CA10: variants seen among roughly 807,000 people sequenced by gnomAD.
The protein encoded by CA10 is carbonic anhydrase 10 (inactive).
In CA10, 14 loss-of-function variants were observed where a neutral mutation model predicts 44.2. The observed-to-expected ratio is 0.32, with a 90% confidence interval of 0.21 to 0.50. The LOEUF is 0.50. CA10 is among the 20% of genes least tolerant of loss of function. The probability of loss-of-function intolerance (pLI) is 0.99; values close to 1 mark genes in which losing one functional copy is unlikely to be tolerated. For synonymous variants in CA10, 159 were observed against 141.6 expected, an observed-to-expected ratio of 1.12 and a Z score of -0.87; for missense variants, 350 against 409.7, an observed-to-expected ratio of 0.85 and a Z score of 1.26.
intron 3 of CA10, among the ~76,000 whole-genome samples, chr17:51,772,045 C>T (rs1017452304): frequency 1.3e-5 from 2 of 152,156 alleles, no homozygotes; most frequent in Admixed American, 6.5e-5. Context: ...CTCTGCATTG[C>T]TGCTGGAATC....
At chr17:51,806,965 G>A (rs991712026) in intron 3 of CA10, among the ~76,000 whole-genome samples, 1 of 152,182 alleles carries the variant, frequency 6.6e-6, no homozygotes, top group Non-Finnish European at 1.5e-5. Flanking sequence ...TAAGGAGCAG[G>A]GGATCATGTA....
At chr17:51,690,078 G>A (rs1389229206) in intron 4 of CA10, among the ~76,000 whole-genome samples, 1 of 151,968 alleles carries the variant, frequency 6.6e-6, no homozygotes, top group African/African-American at 2.4e-5. Flanking sequence ...CTCCCAAGTA[G>A]CTGGGATTAC....
intron 4 of CA10, among the ~76,000 whole-genome samples, chr17:51,716,669 G>C (rs1228561083): frequency 1.3e-5 from 2 of 152,122 alleles, no homozygotes; most frequent in Non-Finnish European, 2.9e-5. Context: ...TTAAGCTGCA[G>C]TTCCCTCCAT....
chr17:52,119,654 C>A (rs144689777), intron 1 of CA10, among the ~76,000 whole-genome samples: 11 of 152,294 alleles, frequency 7.2e-5, no homozygotes, highest in Non-Finnish European at 1.3e-4. Flanking sequence ...CAAAGCCAAT[C>A]TGAAAGGCCT....
In CA10 at chr17:51,802,951, G is replaced by A. The variant is rs192064573; in HGVS notation, c.280-55133C>T. ...CAGTCATCTCGTTGACATTAAGTGC[G>A]GAGTAGCAGACAGCAAGACTCATAT... On this transcript the variant is annotated intron_variant, in intron 3 of 8. Transcript: ENST00000451037. Among the ~76,000 whole-genome samples the A allele has an allele frequency of 1.9e-4, 29 of 152,228 alleles. No homozygotes were observed. In the East Asian group the frequency reaches 4.8e-3, roughly 25 times the overall value.
chr17:51,760,883 C>T (rs1422363059), intron 3 of CA10, among the ~76,000 whole-genome samples: 2 of 152,300 alleles, frequency 1.3e-5, no homozygotes, highest in African/African-American at 2.4e-5. Flanking sequence ...ATTATTTCAA[C>T]ATGTAATCGA....
At chr17:51,880,125 C>T (rs1385240851) in intron 3 of CA10, among the ~76,000 whole-genome samples, 2 of 152,086 alleles carry the variant, frequency 1.3e-5, no homozygotes, top group African/African-American at 4.8e-5. Context: ...CCTGCTGAAA[C>T]TAATAAGCCA....
chr17:52,069,321 A>T (rs1313055918), intron 2 of CA10, among the ~76,000 whole-genome samples: 1 of 152,184 alleles, frequency 6.6e-6, no homozygotes, highest in East Asian at 1.9e-4. Flanking sequence ...TATAAATCTC[A>T]GCCAAGAGTA....
chr17:52,013,843 G>GTA (rs1985884667), intron 2 of CA10, among the ~76,000 whole-genome samples: 1 of 151,940 alleles, frequency 6.6e-6, no homozygotes, highest in Non-Finnish European at 1.5e-5. Context: ...AAATAACGTA[G>GTA]TATAGTTGAC....
At chr17:51,805,821 T>G (rs574322983) in intron 3 of CA10, among the ~76,000 whole-genome samples, 2 of 152,318 alleles carry the variant, frequency 1.3e-5, no homozygotes, top group Non-Finnish European at 2.9e-5. Context: ...ATTTGCCTTT[T>G]CTAGACAATT....
intron 2 of CA10, among the ~76,000 whole-genome samples, chr17:52,047,821 A>C (rs1425962695): frequency 1.3e-5 from 2 of 151,968 alleles, no homozygotes; most frequent in Non-Finnish European, 2.9e-5. Flanking sequence ...CCTGATTAGA[A>C]AACTCAGAAT....
intron 1 of CA10, among the ~76,000 whole-genome samples, chr17:52,085,999 T>C (rs1988107286): frequency 6.6e-6 from 1 of 152,220 alleles, no homozygotes; most frequent in Non-Finnish European, 1.5e-5. Context: ...TACCATATTG[T>C]ATACAATTTA....
At chr17:51,736,423 C>T (rs917644284) in intron 4 of CA10, among the ~76,000 whole-genome samples, 1 of 152,168 alleles carries the variant, frequency 6.6e-6, no homozygotes, top group African/African-American at 2.4e-5. Context: ...ATTAGTCTTT[C>T]CCAAAGCAGA....
At chr17:52,158,833 C>T (rs16951065), upstream of CA10, 29,693 of 152,590 alleles carry the variant, frequency 0.19, 3,093 homozygotes, top group South Asian at 0.3. Context: ...AGGTGAGCGT[C>T]CTCGCCGCCG....
At chr17:51,675,678 T>C (rs527762597) in intron 4 of CA10, among the ~76,000 whole-genome samples, 19 of 151,702 alleles carry the variant, frequency 1.3e-4, no homozygotes, top group South Asian at 1.3e-3. Flanking sequence ...ATTGCGCCAC[T>C]GTACTCCAGC....
chr17:51,893,003 T>C (rs1261995008), intron 3 of CA10, among the ~76,000 whole-genome samples: 1 of 152,166 alleles, frequency 6.6e-6, no homozygotes, highest in Non-Finnish European at 1.5e-5. Flanking sequence ...TTAAAATTGA[T>C]AGTTTATAAA....
intron 1 of CA10, among the ~76,000 whole-genome samples, chr17:52,091,561 G>A (rs867571321): frequency 2.0e-5 from 3 of 152,048 alleles, no homozygotes; most frequent in Non-Finnish European, 2.9e-5. Context: ...TCAGTTACTC[G>A]TTTTGCTCAT....
At chr17:51,892,630 G>A (rs549476940) in intron 3 of CA10, among the ~76,000 whole-genome samples, 6 of 152,280 alleles carry the variant, frequency 3.9e-5, no homozygotes, top group Admixed American at 6.5e-5. Context: ...CCCAGCCTCC[G>A]TTCCAAATTT....
chr17:51,975,913 T>C (rs974199178), intron 2 of CA10, among the ~76,000 whole-genome samples: 6 of 150,884 alleles, frequency 4.0e-5, no homozygotes, highest in African/African-American at 1.2e-4. Flanking sequence ...AACTATATGC[T>C]GTTTATAAGG....
Sources: allele counts gnomAD v4.1 joint callset (sites outside exome capture counted in the v4.1 genomes callset), GRCh38; gene constraint gnomAD v4.1.1; transcripts MANE v1.5; gene names NCBI Gene and HGNC (gene_info 2026-07-23, HGNC 2026-07-21).